The following KCNB2 variants were observed in gnomAD, a reference collection of about 807,000 sequenced individuals.
The protein encoded by KCNB2 is delayed rectifier potassium channel protein.
Under a neutral mutation model 61.5 loss-of-function variants are expected in KCNB2, and 15 were observed. That is an observed-to-expected ratio of 0.24 (90% CI 0.16 to 0.38). KCNB2 has a LOEUF of 0.38. Among genes scored for constraint, KCNB2 ranks in the 10% least tolerant of loss-of-function variants. The pLI is 1.00. For synonymous variants in KCNB2, 457 were observed against 446.0 expected, an observed-to-expected ratio of 1.02 and a Z score of -0.31; for missense variants, 828 against 1,125.2, an observed-to-expected ratio of 0.74 and a Z score of 3.78.
Position 72,629,335 on chromosome 8 carries a change from A to C in KCNB2, c.579+61022A>C, listed in dbSNP as rs542688643. On this transcript the variant is annotated intron_variant, in intron 2 of 2. Coordinates refer to ENST00000523207, the MANE Select transcript of KCNB2 (RefSeq NM_004770.3). ...CCAACTCCGCTTCCATCAGTCAGGTAAGCTCGCCCCTTATGGGAGTCTATG... is the reference window on the plus strand; with the variant it reads ...CCAACTCCGCTTCCATCAGTCAGGTCAGCTCGCCCCTTATGGGAGTCTATG... 1.5e-3 allele frequency among the ~76,000 whole-genome samples: 224 copies of C among 152,322 alleles called. 2 individuals carry two copies. Among genetic ancestry groups the C allele is most frequent in the Non-Finnish European group, 2.1e-3 (145 of 68,028 alleles).
intron 2 of KCNB2, among the ~76,000 whole-genome samples, chr8:72,841,693 C>A (rs1007849144): frequency 2.0e-5 from 3 of 147,588 alleles, no homozygotes; most frequent in Non-Finnish European, 4.5e-5. Flanking sequence ...CTCTTTGTAG[C>A]AATTGTGAAT....
At chr8:72,562,296 T>C (rs115281925) in intron 1 of KCNB2, among the ~76,000 whole-genome samples, 1,904 of 152,208 alleles carry the variant, frequency 0.013, 30 homozygotes, top group African/African-American at 0.043. Context: ...CCTCCAAACC[T>C]GGAGCCTCAA....
chr8:72,643,988 G>T (rs886723220), intron 2 of KCNB2, among the ~76,000 whole-genome samples: 1 of 152,116 alleles, frequency 6.6e-6, no homozygotes, highest in African/African-American at 2.4e-5. Flanking sequence ...TTGTCAGTAG[G>T]TTATAGTGCT....
chr8:72,887,411 G>A (rs1368525314), intron 2 of KCNB2, among the ~76,000 whole-genome samples: 2 of 152,158 alleles, frequency 1.3e-5, no homozygotes, highest in African/African-American at 4.8e-5. Flanking sequence ...GTACCAACCA[G>A]TTATACAGGA....
Position 72,537,426 on chromosome 8 carries a change from G to C in KCNB2, c.-553G>C, listed in dbSNP as rs1806127754. ...GCGCCTCGGGCAGCCCCAGCGAGCG[G>C]CAACTCCCGGGCTGGCGCGGCTCGC... On this transcript the variant is annotated 5_prime_UTR_variant, in exon 1 of 3. Coordinates refer to ENST00000523207, the MANE Select transcript of KCNB2 (RefSeq NM_004770.3). The C allele has an allele frequency of 6.5e-6, 1 of 152,788 alleles. No homozygotes were observed. 9.5% of individuals were successfully genotyped at this position (152,788 alleles called of 1,614,324 possible).
chr8:72,610,916 A>C (rs1805527230), intron 2 of KCNB2, among the ~76,000 whole-genome samples: 1 of 152,182 alleles, frequency 6.6e-6, no homozygotes, highest in African/African-American at 2.4e-5. Flanking sequence ...CAGATTTGTC[A>C]GAAAAAATGA....
At chr8:72,593,512 A>G (rs1807133118) in intron 2 of KCNB2, among the ~76,000 whole-genome samples, 1 of 152,186 alleles carries the variant, frequency 6.6e-6, no homozygotes, top group Admixed American at 6.5e-5. Flanking sequence ...GTATTGAGAA[A>G]AGTAGTGTAT....
chr8:72,715,567 T>C (rs1807421322), intron 2 of KCNB2, among the ~76,000 whole-genome samples: 2 of 152,006 alleles, frequency 1.3e-5, no homozygotes, highest in Admixed American at 1.3e-4. Context: ...GACTACTGGG[T>C]ACCTAACGAA....
chr8:72,759,251 C>A lies in KCNB2; in HGVS notation c.580-176684C>A, dbSNP rs543403992. 3.9e-5 allele frequency among the ~76,000 whole-genome samples: 6 copies of A among 152,208 alleles called. No individual in the cohort carries two copies. The South Asian group carries it at 1.2e-3, about 32-fold the overall frequency. On this transcript the variant is annotated intron_variant, in intron 2 of 2. Coordinates refer to ENST00000523207, the MANE Select transcript of KCNB2 (RefSeq NM_004770.3). Reference sequence around the variant, plus strand: ...GGCTCATTTATTCTACTTTATGATACTATATTACATAATAAAATACGGAAA... The same window carrying A: ...GGCTCATTTATTCTACTTTATGATAATATATTACATAATAAAATACGGAAA...
chr8:72,781,821 T>G (rs892814953), intron 2 of KCNB2, among the ~76,000 whole-genome samples: 2 of 152,164 alleles, frequency 1.3e-5, no homozygotes, highest in African/African-American at 4.8e-5. Context: ...GGGACCTGGA[T>G]AGAGCTTGAA....
chr8:72,725,148 T>C (rs1474918642), intron 2 of KCNB2, among the ~76,000 whole-genome samples: 1 of 152,128 alleles, frequency 6.6e-6, no homozygotes, highest in Non-Finnish European at 1.5e-5. Flanking sequence ...CCCCACCAGA[T>C]TATTCCAAAA....
At chr8:72,749,663 G>C (rs575655580) in intron 2 of KCNB2, among the ~76,000 whole-genome samples, 1 of 149,220 alleles carries the variant, frequency 6.7e-6, no homozygotes, top group African/African-American at 2.5e-5. Flanking sequence ...CCATGATATT[G>C]CTTTAAAAGA....
rs991603146 is a variant in KCNB2, at chr8:72,623,904, G to A, written c.579+55591G>A. On this transcript the variant is annotated intron_variant, in intron 2 of 2. Coordinates refer to ENST00000523207, the MANE Select transcript of KCNB2 (RefSeq NM_004770.3). ...TCTCATTGGTACAAATGTCCTTTCT[G>A]GCTCCAGCTTTCTTAGTTCCCTCAT... Among the ~76,000 whole-genome samples the A allele has an allele frequency of 2.2e-4, 34 of 152,108 alleles. 1 individual carries two copies. Among genetic ancestry groups the A allele is most frequent in the Admixed American group, 1.6e-3 (24 of 15,276 alleles).
chr8:72,725,601 A>ATGTATG (rs1554587084), intron 2 of KCNB2, among the ~76,000 whole-genome samples: 3 of 100,248 alleles, frequency 3.0e-5, no homozygotes, highest in African/African-American at 1.1e-4. Flanking sequence ...GTATATATAT[A>ATGTATG]TATATATATA....
At chr8:72,694,339 C>T (rs979082199) in intron 2 of KCNB2, among the ~76,000 whole-genome samples, 1 of 152,212 alleles carries the variant, frequency 6.6e-6, no homozygotes, top group Non-Finnish European at 1.5e-5. Flanking sequence ...GTCTCTCCAA[C>T]TGGAAGCCCT....
chr8:72,821,641 C>CAAAAAAAAAAAAA (rs61090576), intron 2 of KCNB2, among the ~76,000 whole-genome samples: 5 of 125,776 alleles, frequency 4.0e-5, no homozygotes, highest in African/African-American at 8.8e-5. Flanking sequence ...CAAAAAAAAA[C>CAAAAAAAAAAAAA]AAAAAAAAAA....
In KCNB2 at chr8:72,615,284, A is replaced by T. The variant is rs767229175; in HGVS notation, c.579+46971A>T. 9.8e-4 allele frequency among the ~76,000 whole-genome samples: 149 copies of T among 152,304 alleles called. 1 individual carries two copies. The Middle Eastern group carries it at 0.02, about 21-fold the overall frequency. Reference sequence around the variant, plus strand: ...AGGGTAGTTATGAGAATGAAACAAGATGTTGTGTGTGAAAGCACTTGGCAA... The same window carrying T: ...AGGGTAGTTATGAGAATGAAACAAGTTGTTGTGTGTGAAAGCACTTGGCAA... On this transcript the variant is annotated intron_variant, in intron 2 of 2. Coordinates refer to ENST00000523207, the MANE Select transcript of KCNB2 (RefSeq NM_004770.3).
intron 2 of KCNB2, among the ~76,000 whole-genome samples, chr8:72,849,973 G>A (rs1195318680): frequency 6.6e-6 from 1 of 152,098 alleles, no homozygotes; most frequent in Admixed American, 6.5e-5. Context: ...CATGTGCATT[G>A]TGAGGGCTGG....
chr8:72,646,382 G>A (rs926919217), intron 2 of KCNB2, among the ~76,000 whole-genome samples: 4 of 152,050 alleles, frequency 2.6e-5, no homozygotes, highest in African/African-American at 9.7e-5. Flanking sequence ...GGTGAATATA[G>A]TGATTGTCCC....
Sources: allele counts gnomAD v4.1 joint callset (sites outside exome capture counted in the v4.1 genomes callset), GRCh38; gene constraint gnomAD v4.1.1; transcripts MANE v1.5; gene names NCBI Gene and HGNC (gene_info 2026-07-23, HGNC 2026-07-21).